ENOX1: variants seen among roughly 807,000 people sequenced by gnomAD.
The protein encoded by ENOX1 is ecto-NOX disulfide-thiol exchanger 1, also known as candidate growth-related and time keeping constitutive hydroquinone (NADH) oxidase.
Under a neutral mutation model 82.5 loss-of-function variants are expected in ENOX1, and 42 were observed. The observed-to-expected ratio is 0.51, with a 90% confidence interval of 0.40 to 0.66. The LOEUF is 0.66. ENOX1 is among the 30% of genes least tolerant of loss of function. The probability of loss-of-function intolerance (pLI) is 0.00; values close to 1 mark genes in which losing one functional copy is unlikely to be tolerated. For missense variants in ENOX1, 608 were observed against 811.6 expected (o/e 0.75, Z 3.05); for synonymous variants, 271 against 282.2 (o/e 0.96, Z 0.40).
chr13:43,326,077 A>AC (rs1270771884), intron 10 of ENOX1, among the ~76,000 whole-genome samples: 1 of 152,028 alleles, frequency 6.6e-6, no homozygotes, highest in Non-Finnish European at 1.5e-5. Context: ...AAAAAAAAAA[A>AC]CCCTCTGTAT....
At chr13:43,255,554 G>C (rs1417544118) in intron 14 of ENOX1, among the ~76,000 whole-genome samples, 1 of 151,980 alleles carries the variant, frequency 6.6e-6, no homozygotes, top group Non-Finnish European at 1.5e-5. Flanking sequence ...CCAAAAAACT[G>C]GTAGAACTGA....
chr13:43,766,462 A>G (rs905420081), intron 1 of ENOX1, among the ~76,000 whole-genome samples: 2 of 152,200 alleles, frequency 1.3e-5, no homozygotes, highest in Non-Finnish European at 2.9e-5. Context: ...CATTCACTTG[A>G]GGAAGCATAG....
At chr13:43,376,673 G>A (rs2051657945) in intron 5 of ENOX1, among the ~76,000 whole-genome samples, 1 of 152,208 alleles carries the variant, frequency 6.6e-6, no homozygotes, top group South Asian at 2.1e-4. Context: ...AGTCATACAT[G>A]TAAGAGGTAA....
intron 2 of ENOX1, among the ~76,000 whole-genome samples, chr13:43,653,033 C>A (rs1275934013): frequency 6.6e-6 from 1 of 152,204 alleles, no homozygotes; most frequent in Admixed American, 6.5e-5. Context: ...GGCAACAAGC[C>A]TCAATGGCAG....
chr13:43,433,886 G>A (rs1205406002), intron 3 of ENOX1, among the ~76,000 whole-genome samples: 2 of 152,222 alleles, frequency 1.3e-5, no homozygotes, highest in African/African-American at 4.8e-5. Flanking sequence ...TCAGAGGAAT[G>A]TGCTGGGTGA....
At position 43,613,963 on chromosome 13, in the gene ENOX1, T is replaced by C. The variant is rs1449034307; in HGVS notation, c.-219+53516A>G. Among the ~76,000 whole-genome samples, 3 of 151,880 alleles carry C rather than the reference T, an allele frequency of 2.0e-5. No homozygotes were observed. The East Asian group carries it at 5.8e-4, about 29-fold the overall frequency. On this transcript the variant is annotated intron_variant, in intron 2 of 16. Transcript: ENST00000690772. Reference sequence around the variant, plus strand: ...AAAATAAATAAATAAATAAAGGAGGTATATCTCATTTTACCCATTTCATTC... The same window carrying C: ...AAAATAAATAAATAAATAAAGGAGGCATATCTCATTTTACCCATTTCATTC...
intron 14 of ENOX1, among the ~76,000 whole-genome samples, chr13:43,261,336 G>A (rs1447317156): frequency 6.6e-6 from 1 of 152,188 alleles, no homozygotes; most frequent in African/African-American, 2.4e-5. Context: ...TGCAGCAGCT[G>A]CACCAACATT....
intron 2 of ENOX1, among the ~76,000 whole-genome samples, chr13:43,648,875 C>T (rs1228947362): frequency 1.3e-5 from 2 of 152,138 alleles, no homozygotes; most frequent in Admixed American, 6.5e-5. Flanking sequence ...CTCCCTGTGA[C>T]GGCTACATTG....
At chr13:43,335,789 GA>G (rs983724987) in intron 9 of ENOX1, among the ~76,000 whole-genome samples, 2 of 139,656 alleles carry the variant, frequency 1.4e-5, no homozygotes, top group African/African-American at 5.2e-5. Flanking sequence ...AAAAAGAAAA[GA>G]AAAAAAAGAC....
intron 1 of ENOX1, among the ~76,000 whole-genome samples, chr13:43,785,111 T>TA (rs552764815): frequency 1.6e-4 from 25 of 152,216 alleles, no homozygotes; most frequent in Admixed American, 5.9e-4. Context: ...CAAATCTGTA[T>TA]ATTACAAGAA....
chr13:43,223,657 T>C (rs934412913), intron 16 of ENOX1, among the ~76,000 whole-genome samples: 2 of 152,112 alleles, frequency 1.3e-5, no homozygotes, highest in African/African-American at 4.8e-5. Context: ...TTTGGGATGA[T>C]TTTTCCTCAA....
At chr13:43,711,904 G>A (rs1361398718) in intron 1 of ENOX1, among the ~76,000 whole-genome samples, 1 of 145,630 alleles carries the variant, frequency 6.9e-6, no homozygotes, top group Non-Finnish European at 1.5e-5. Flanking sequence ...TTCTTTTGCT[G>A]TGCAGAAGCT....
At chr13:43,260,173 A>G (rs886096011) in intron 14 of ENOX1, among the ~76,000 whole-genome samples, 2 of 152,226 alleles carry the variant, frequency 1.3e-5, no homozygotes, top group Admixed American at 6.5e-5. Context: ...TTCTTTGCAC[A>G]TATCTCTTCC....
chr13:43,541,268 G>A (rs1424627755), intron 2 of ENOX1, among the ~76,000 whole-genome samples: 1 of 144,964 alleles, frequency 6.9e-6, no homozygotes, highest in Admixed American at 7.2e-5. Flanking sequence ...GGAGGCCAGG[G>A]CAGGGGGATT....
At chr13:43,594,514 G>C (rs1314967373) in intron 2 of ENOX1, among the ~76,000 whole-genome samples, 1 of 152,158 alleles carries the variant, frequency 6.6e-6, no homozygotes, top group Non-Finnish European at 1.5e-5. Context: ...TGAGGAAGAG[G>C]GGCTGAGGCT....
intron 3 of ENOX1, among the ~76,000 whole-genome samples, chr13:43,468,442 A>G (rs2057837721): frequency 6.6e-6 from 1 of 151,792 alleles, no homozygotes; most frequent in Admixed American, 6.6e-5. Flanking sequence ...CGGCCTCCCA[A>G]AGTGCTGGGA....
chr13:43,677,744 C>G (rs774774847), intron 1 of ENOX1, among the ~76,000 whole-genome samples: 3 of 152,142 alleles, frequency 2.0e-5, no homozygotes, highest in Non-Finnish European at 2.9e-5. Flanking sequence ...ATTAAATGCA[C>G]ACATCCTGAC....
chr13:43,246,554 C>A (rs561770510), intron 14 of ENOX1, among the ~76,000 whole-genome samples: 1 of 152,312 alleles, frequency 6.6e-6, no homozygotes, highest in East Asian at 1.9e-4. Flanking sequence ...CTGCTGTTTG[C>A]GGGTGACGGA....
chr13:43,516,231 C>T (rs1490560248), intron 2 of ENOX1, among the ~76,000 whole-genome samples: 1 of 151,984 alleles, frequency 6.6e-6, no homozygotes, highest in East Asian at 1.9e-4. Flanking sequence ...TGACAGAAAG[C>T]CTAAAGGACT....
Sources: gnomAD v4.1 joint callset for allele counts (sites outside exome capture counted in the v4.1 genomes callset) on GRCh38, gnomAD v4.1.1 for gene constraint, MANE v1.5 for transcripts, NCBI Gene and HGNC (gene_info 2026-07-23, HGNC 2026-07-21) for gene names.